CTNNA3: variants seen among roughly 807,000 people sequenced by gnomAD.
CTNNA3 encodes the protein catenin alpha-3.
In CTNNA3, 76 loss-of-function variants were observed where a neutral mutation model predicts 95.7. That is an observed-to-expected ratio of 0.79 (90% CI 0.66 to 0.96). CTNNA3 has a LOEUF of 0.96. Among genes scored for constraint, CTNNA3 ranks in the 40% least tolerant of loss-of-function variants. CTNNA3 has a pLI of 0.00. For synonymous variants in CTNNA3, 431 were observed against 374.4 expected (o/e 1.15, Z -1.74); for missense variants, 1,191 against 1,089.8 (o/e 1.09, Z -1.31).
intron 15 of CTNNA3, among the ~76,000 whole-genome samples, chr10:66,033,135 C>CTTTTTTTTTTTTT (rs10665142): frequency 1.5e-5 from 2 of 131,898 alleles, no homozygotes; most frequent in Non-Finnish European, 1.6e-5. Flanking sequence ...TTCTTTTTTT[C>CTTTTTTTTTTTTT]TTTTTTTTTT....
intron 5 of CTNNA3, among the ~76,000 whole-genome samples, chr10:67,432,945 T>C (rs1436130798): frequency 1.3e-5 from 2 of 152,080 alleles, no homozygotes; most frequent in African/African-American, 4.8e-5. Context: ...TAGAAGAGTA[T>C]GTGTAGCACT....
At chr10:66,061,322 A>C (rs1203188931) in intron 15 of CTNNA3, among the ~76,000 whole-genome samples, 1 of 152,140 alleles carries the variant, frequency 6.6e-6, no homozygotes, top group Non-Finnish European at 1.5e-5. Flanking sequence ...AGAAATGGCT[A>C]CATCAAGTTT....
chr10:67,239,778 C>T (rs969264155), intron 5 of CTNNA3, among the ~76,000 whole-genome samples: 2 of 152,064 alleles, frequency 1.3e-5, no homozygotes, highest in Non-Finnish European at 2.9e-5. Context: ...TGTCATATTA[C>T]CCATGTCATT....
chr10:65,949,992 C>T (rs2077582837), intron 17 of CTNNA3, among the ~76,000 whole-genome samples: 1 of 151,798 alleles, frequency 6.6e-6, no homozygotes, highest in Non-Finnish European at 1.5e-5. Context: ...ATTATCCAGC[C>T]CCCAAAGTCA....
intron 13 of CTNNA3, among the ~76,000 whole-genome samples, chr10:66,129,931 T>C (rs2083007901): frequency 6.6e-6 from 1 of 152,126 alleles, no homozygotes; most frequent in Non-Finnish European, 1.5e-5. Context: ...CACTATGCCA[T>C]GCCACTACTG....
At chr10:66,118,798 T>A (rs1183176170) in intron 13 of CTNNA3, among the ~76,000 whole-genome samples, 1 of 152,178 alleles carries the variant, frequency 6.6e-6, no homozygotes, top group Admixed American at 6.5e-5. Context: ...TGAAAAAGCA[T>A]GCCATATTCT....
intron 7 of CTNNA3, among the ~76,000 whole-genome samples, chr10:66,856,824 C>A (rs965926947): frequency 1.8e-4 from 27 of 151,836 alleles, no homozygotes; most frequent in Non-Finnish European, 8.8e-5. Context: ...AGATGCAAAG[C>A]CTGAAAATAT....
chr10:67,406,571 G>A (rs990591797), intron 5 of CTNNA3, among the ~76,000 whole-genome samples: 2 of 151,656 alleles, frequency 1.3e-5, no homozygotes, highest in Non-Finnish European at 2.9e-5. Context: ...ATAACCAAAA[G>A]CAGAGCTAAA....
chr10:67,080,424 A>G (rs1427137658), intron 7 of CTNNA3, among the ~76,000 whole-genome samples: 1 of 152,182 alleles, frequency 6.6e-6, no homozygotes, highest in African/African-American at 2.4e-5. Flanking sequence ...TAATGAAAAA[A>G]CTGAATTCTG....
At chr10:67,237,254 T>C (rs1374492783) in intron 5 of CTNNA3, among the ~76,000 whole-genome samples, 1 of 149,052 alleles carries the variant, frequency 6.7e-6, no homozygotes, top group Non-Finnish European at 1.5e-5. Context: ...GATTGGATAC[T>C]ATTATTCTAA....
chr10:67,708,086 T>C (rs571747774), intron 1 of CTNNA3, among the ~76,000 whole-genome samples: 1 of 152,302 alleles, frequency 6.6e-6, no homozygotes, highest in South Asian at 2.1e-4. Context: ...AACAAACTAT[T>C]GAAGTTGACA....
intron 10 of CTNNA3, among the ~76,000 whole-genome samples, chr10:66,565,015 C>A (rs762545885): frequency 1.3e-5 from 2 of 152,120 alleles, no homozygotes; most frequent in Non-Finnish European, 2.9e-5. Context: ...CGAAAAATAC[C>A]ATTCTACCTT....
At position 66,714,484 on chromosome 10, in the gene CTNNA3, C is replaced by T. The variant is rs1007210209; in HGVS notation, c.1281+51780G>A. Reference sequence around the variant, plus strand: ...GTTTCTCAAAACTCTTATTTAGACCCTTCATCACTGCTTCCATAAAACTCC... The same window carrying T: ...GTTTCTCAAAACTCTTATTTAGACCTTTCATCACTGCTTCCATAAAACTCC... On this transcript the variant is annotated intron_variant, in intron 9 of 17. Coordinates refer to ENST00000433211, the MANE Select transcript of CTNNA3 (RefSeq NM_013266.4). 2.6e-5 allele frequency among the ~76,000 whole-genome samples: 4 copies of T among 152,096 alleles called. No individual in the cohort carries two copies. The East Asian group carries it at 7.7e-4, about 29-fold the overall frequency.
chr10:67,592,623 C>A (rs1422652972), intron 3 of CTNNA3, among the ~76,000 whole-genome samples: 1 of 152,072 alleles, frequency 6.6e-6, no homozygotes, highest in East Asian at 1.9e-4. Flanking sequence ...AAAAGAATAA[C>A]CTCTCCAACT....
chr10:67,340,624 A>G (rs1842149896), intron 5 of CTNNA3, among the ~76,000 whole-genome samples: 1 of 152,260 alleles, frequency 6.6e-6, no homozygotes, highest in Non-Finnish European at 1.5e-5. Context: ...AATCTGCTCC[A>G]GGAAAGCCAA....
At chr10:67,112,255 C>T (rs566415152) in intron 7 of CTNNA3, among the ~76,000 whole-genome samples, 1 of 152,102 alleles carries the variant, frequency 6.6e-6, no homozygotes, top group Non-Finnish European at 1.5e-5. Flanking sequence ...TCTTCTTTTC[C>T]AGGCTTTCCC....
chr10:66,597,545 TATA>T (rs1564558027), intron 10 of CTNNA3, among the ~76,000 whole-genome samples: 2 of 130,420 alleles, frequency 1.5e-5, no homozygotes, highest in East Asian at 4.5e-4. Context: ...TATATATATA[TATA>T]TATATATTTA....
At chr10:66,839,627 C>T (rs1173189601) in intron 7 of CTNNA3, among the ~76,000 whole-genome samples, 1 of 152,056 alleles carries the variant, frequency 6.6e-6, no homozygotes, top group Non-Finnish European at 1.5e-5. Flanking sequence ...GATATTCACA[C>T]AGCAAAAAGT....
chr10:67,650,358 C>T (rs143174849), intron 1 of CTNNA3, among the ~76,000 whole-genome samples: 2,561 of 152,152 alleles, frequency 0.017, 30 homozygotes, highest in South Asian at 0.036. Flanking sequence ...GGAAAAAGTA[C>T]GCTTTATAAA....
Sources: allele counts gnomAD v4.1 joint callset (sites outside exome capture counted in the v4.1 genomes callset), GRCh38; gene constraint gnomAD v4.1.1; transcripts MANE v1.5; gene names NCBI Gene and HGNC (gene_info 2026-07-23, HGNC 2026-07-21).